ASCC3: variants seen among roughly 807,000 people sequenced by gnomAD.
The protein encoded by ASCC3 is activating signal cointegrator 1 complex subunit 3.
ASCC3 carries 158 observed loss-of-function variants against 256.3 expected under a neutral mutation model. That is an observed-to-expected ratio of 0.62 (90% CI 0.54 to 0.70). ASCC3 has a LOEUF of 0.70. Among genes scored for constraint, ASCC3 ranks in the 30% least tolerant of loss-of-function variants. The probability of loss-of-function intolerance (pLI) is 0.00; values close to 1 mark genes in which losing one functional copy is unlikely to be tolerated. For missense variants in ASCC3, 2,259 were observed against 2,626.0 expected (o/e 0.86, Z 3.05); for synonymous variants, 948 against 883.4 (o/e 1.07, Z -1.30).
intron 8 of ASCC3, among the ~76,000 whole-genome samples, chr6:100,772,761 C>T (rs895004725): frequency 1.3e-5 from 2 of 152,172 alleles, no homozygotes; most frequent in Non-Finnish European, 2.9e-5. Context: ...AGTTAAAATA[C>T]TGGCTTTGCC....
intron 13 of ASCC3, among the ~76,000 whole-genome samples, chr6:100,704,274 C>T (rs907014373): frequency 2.6e-5 from 4 of 151,832 alleles, no homozygotes; most frequent in African/African-American, 4.8e-5. Context: ...ATGTCTCCTT[C>T]GACTCTAGCT....
intron 4 of ASCC3, 28 bp from the exon 5 acceptor site, chr6:100,805,908 C>T (rs1040433866): frequency 6.2e-7 from 1 of 1,605,382 alleles, no homozygotes; most frequent in Non-Finnish European, 8.5e-7. Flanking sequence ...AAGTAACAAA[C>T]ATCAGTTATC....
intron 36 of ASCC3, among the ~76,000 whole-genome samples, chr6:100,555,142 C>T (rs927111031): frequency 2.6e-5 from 4 of 151,752 alleles, no homozygotes; most frequent in African/African-American, 9.7e-5. Flanking sequence ...AAAAATAGCC[C>T]TATGTTAGAA....
chr6:100,834,306 T>C (rs1392339694), intron 4 of ASCC3, among the ~76,000 whole-genome samples: 3 of 152,196 alleles, frequency 2.0e-5, no homozygotes, highest in Non-Finnish European at 2.9e-5. Context: ...ACAATTACTA[T>C]TGATAGCATA....
At chr6:100,843,074 T>C (rs189279909) in intron 4 of ASCC3, among the ~76,000 whole-genome samples, 96 of 152,200 alleles carry the variant, frequency 6.3e-4, no homozygotes, top group Non-Finnish European at 1.2e-3. Flanking sequence ...ATGACAAATA[T>C]CAATAGAGTT....
intron 8 of ASCC3, among the ~76,000 whole-genome samples, chr6:100,769,431 G>C (rs1396286394): frequency 6.6e-6 from 1 of 151,750 alleles, no homozygotes; most frequent in African/African-American, 2.4e-5. Context: ...ACCCTGATTT[G>C]ATCATTGCGC....
intron 30 of ASCC3, among the ~76,000 whole-genome samples, chr6:100,622,282 G>A (rs1554203121): frequency 1.3e-5 from 2 of 152,124 alleles, no homozygotes; most frequent in Non-Finnish European, 2.9e-5. Context: ...AGACCAGGTG[G>A]AGGTAATTGA....
At chr6:100,727,564 G>A (rs942240548) in intron 10 of ASCC3, among the ~76,000 whole-genome samples, 2 of 151,912 alleles carry the variant, frequency 1.3e-5, no homozygotes, top group African/African-American at 4.8e-5. Context: ...TATCAGCCAG[G>A]CAGCAATTAC....
chr6:100,627,698 TAAAC>T lies in ASCC3; in HGVS notation c.4530_4533del (p.Phe1511ThrfsTer30). 6.2e-7 allele frequency: 1 copy of T among 1,613,602 alleles called. No homozygotes were observed. On this transcript the variant is annotated frameshift_variant, in exon 29 of 42. Transcript: ENST00000369162. ...ACTGGGCGTACTGATGGTCGGAAGT[TAAAC>T]AAGCCCATCTAGAGTAAATATGAGA...
intron 30 of ASCC3, among the ~76,000 whole-genome samples, chr6:100,611,057 G>T (rs1377555568): frequency 1.3e-5 from 2 of 152,084 alleles, no homozygotes; most frequent in Admixed American, 1.3e-4. Flanking sequence ...TTTGCCATAG[G>T]AAAGCTAAAG....
At chr6:100,854,588 CTA>C (rs796631382) in intron 3 of ASCC3, among the ~76,000 whole-genome samples, 3 of 152,232 alleles carry the variant, frequency 2.0e-5, no homozygotes, top group African/African-American at 7.2e-5. Flanking sequence ...AGGCATTTCC[CTA>C]TGTTTTAGAA....
chr6:100,817,423 C>G (rs1770806793), intron 4 of ASCC3, among the ~76,000 whole-genome samples: 1 of 150,918 alleles, frequency 6.6e-6, no homozygotes, highest in South Asian at 2.1e-4. Context: ...AATAATAAAG[C>G]TTAGAGCAAA....
intron 33 of ASCC3, 46 bp downstream of exon 33, chr6:100,605,522 C>G: frequency 7.3e-7 from 1 of 1,369,252 alleles, no homozygotes; most frequent in Non-Finnish European, 1.0e-6. Context: ...AAAACACCAA[C>G]TTGTGATTAA....
intron 13 of ASCC3, among the ~76,000 whole-genome samples, chr6:100,680,038 T>TAGAC (rs1338090657): frequency 2.0e-5 from 3 of 152,200 alleles, no homozygotes; most frequent in African/African-American, 7.2e-5. Flanking sequence ...CATAGTCATG[T>TAGAC]ATTATAGAGA....
At chr6:100,718,347 A>G (rs1779177867) in intron 11 of ASCC3, 96 bp from the exon 12 acceptor site, 1 of 1,025,376 alleles carries the variant, frequency 9.8e-7, no homozygotes. Context: ...TAAAAACTCT[A>G]GACAGAGATG....
At chr6:100,618,894 T>G (rs1379303651) in intron 30 of ASCC3, among the ~76,000 whole-genome samples, 3 of 152,194 alleles carry the variant, frequency 2.0e-5, no homozygotes, top group Non-Finnish European at 2.9e-5. Context: ...TATAATAATG[T>G]TTCTGTCTGA....
At chr6:100,718,383 A>G (rs1481950381) in intron 11 of ASCC3, 132 bp from the exon 12 acceptor site, 41 of 661,532 alleles carry the variant, frequency 6.2e-5, no homozygotes, top group Non-Finnish European at 8.9e-5. Context: ...TGAGGGTCCT[A>G]TCATGTCAGA....
intron 2 of ASCC3, among the ~76,000 whole-genome samples, chr6:100,866,493 G>A (rs1773484696): frequency 6.6e-6 from 1 of 152,140 alleles, no homozygotes; most frequent in Admixed American, 6.5e-5. Context: ...TACGTTATTG[G>A]CTGCATATAT....
Position 100,510,024 on chromosome 6 carries a change from A to G in ASCC3, c.6369T>C (p.Asp2123=). The stretch of plus-strand genomic sequence containing the variant: ...TTTTCAAAGCAATAAGTTCTCTCTT[A>G]TCCACTTCTCCTAATATCAAAAACC... ...EGWFLILGEV[D]KRELIALKRV... is the part of the protein sequence containing the mutation. The change falls in exon 41 of 42, where the codon GAT becomes GAC. Residue 2123 remains aspartate (D), a synonymous_variant. Transcript: ENST00000369162. The G allele has an allele frequency of 6.2e-7, 1 of 1,614,144 alleles. No homozygotes were observed.
Sources: gnomAD v4.1 joint callset for allele counts (sites outside exome capture counted in the v4.1 genomes callset) on GRCh38, gnomAD v4.1.1 for gene constraint, MANE v1.5 for transcripts, NCBI Gene and HGNC (gene_info 2026-07-23, HGNC 2026-07-21) for gene names.